SLC9A2: variants seen among roughly 807,000 people sequenced by gnomAD.
SLC9A2 encodes solute carrier family 9 member A2.
In SLC9A2, 42 loss-of-function variants were observed where a neutral mutation model predicts 71.7. The observed-to-expected ratio is 0.59, with a 90% CI of 0.46 to 0.76. SLC9A2 has a LOEUF of 0.76. SLC9A2 is among the 30% of genes least tolerant of loss of function. The pLI, the probability that SLC9A2 is intolerant of heterozygous loss-of-function variation, is 0.00. For synonymous variants in SLC9A2, 396 were observed against 392.5 expected (o/e 1.01, Z -0.10); for missense variants, 829 against 1,017.4 (o/e 0.81, Z 2.52).
rs1366280389 is a variant in SLC9A2, at chr2:102,632,010, A to G, written c.289+11873A>G. On this transcript the variant is annotated intron_variant, in intron 1 of 11. Transcript: ENST00000233969. Reference sequence around the variant, plus strand: ...TGAAAGTGGGGATATATATATATATATATATATATATATATATATATATAT... The same window carrying G: ...TGAAAGTGGGGATATATATATATATGTATATATATATATATATATATATAT... Among the ~76,000 whole-genome samples the G allele has an allele frequency of 1.8e-4, 7 of 38,358 alleles. No homozygotes were observed. The South Asian group carries it at 9.5e-3, about 52-fold the overall frequency. 25.2% of individuals were successfully genotyped at this position (38,358 alleles called of 152,430 possible). A position where few individuals can be genotyped will look rare whatever the true frequency, so the allele number is the denominator to read the frequency against.
intron 3 of SLC9A2, among the ~76,000 whole-genome samples, chr2:102,675,340 C>T (rs1677328864): frequency 6.6e-6 from 1 of 152,146 alleles, no homozygotes; most frequent in Non-Finnish European, 1.5e-5. Context: ...CTTGCCAGAC[C>T]TGTTGTGTGC....
chr2:102,657,580 C>T lies in SLC9A2; in HGVS notation c.306C>T (p.His102=). 1 of 1,605,920 alleles carries T rather than the reference C, an allele frequency of 6.2e-7. No homozygotes were observed. The highest frequency in any genetic ancestry group is 8.5e-7 in the Non-Finnish European group (1 of 1,175,370). ...CCTTACCAGGCTTCCATCTGTATCA[C>T]AAGTTGCCCACAATAGTGCCTGAGA... The part of the protein sequence containing the change: ...SLAKIGFHLY[H]KLPTIVPESC... Residue 102 remains histidine, a synonymous_variant, in exon 2 of 12, where the codon CAC becomes CAT. Coordinates refer to ENST00000233969, the MANE Select transcript of SLC9A2 (RefSeq NM_003048.6).
intron 1 of SLC9A2, among the ~76,000 whole-genome samples, chr2:102,620,580 C>T (rs1000883814): frequency 1.3e-5 from 2 of 152,108 alleles, no homozygotes; most frequent in African/African-American, 4.8e-5. Flanking sequence ...CCCTGCTGTG[C>T]GCCTGACTAA....
chr2:102,693,043 T>C (rs1434021638), intron 5 of SLC9A2, among the ~76,000 whole-genome samples: 2 of 151,316 alleles, frequency 1.3e-5, no homozygotes, highest in African/African-American at 4.9e-5. Context: ...GATACTAGTA[T>C]ATACTAGTAT....
At chr2:102,648,684 T>C (rs1229675135) in intron 1 of SLC9A2, among the ~76,000 whole-genome samples, 2 of 152,152 alleles carry the variant, frequency 1.3e-5, no homozygotes, top group Admixed American at 6.6e-5. Context: ...AATATTCCTA[T>C]ACACCAATAA....
chr2:102,684,377 C>A (rs551262624), intron 5 of SLC9A2, 41 bp downstream of exon 5: 1 of 1,553,006 alleles, frequency 6.4e-7, no homozygotes, highest in East Asian at 2.2e-5. Flanking sequence ...TAAAAAATAT[C>A]GTTCAGAATA....
Position 102,657,766 on chromosome 2 carries a change from G to C in SLC9A2, c.492G>C (p.Glu164Asp). 1 of 1,614,200 alleles carries C rather than the reference G, an allele frequency of 6.2e-7. No homozygotes were observed. Among genetic ancestry groups the C allele is most frequent in the African/African-American group, 1.3e-5 (1 of 75,046 alleles). Residue 164 changes from glutamate to aspartate, a missense_variant, in exon 2 of 12, where the codon GAG becomes GAC. This residue lies in a region of SLC9A2 where 500 missense variants were observed against 726.3 expected (regional missense o/e 0.69). Coordinates refer to ENST00000233969, the MANE Select transcript of SLC9A2 (RefSeq NM_003048.6). ...GYFMPTRPFF[E>D]NIGTIFWYAV... ...TCATGCCCACTCGCCCATTCTTTGAGAACATTGGCACGATTTTCTGGTATG... is the reference window on the plus strand; with the variant it reads ...TCATGCCCACTCGCCCATTCTTTGACAACATTGGCACGATTTTCTGGTATG...
intron 1 of SLC9A2, among the ~76,000 whole-genome samples, chr2:102,643,637 G>A (rs1558705198): frequency 1.3e-5 from 2 of 152,188 alleles, no homozygotes; most frequent in East Asian, 3.8e-4. Flanking sequence ...ATCTTTCAGA[G>A]TTATATTTGC....
chr2:102,655,635 C>G (rs1199073121), intron 1 of SLC9A2, among the ~76,000 whole-genome samples: 1 of 152,206 alleles, frequency 6.6e-6, no homozygotes, highest in African/African-American at 2.4e-5. Flanking sequence ...GAACCACCAT[C>G]ATATATGTGG....
At chr2:102,637,894 G>A (rs1294190741) in intron 1 of SLC9A2, among the ~76,000 whole-genome samples, 1 of 152,238 alleles carries the variant, frequency 6.6e-6, no homozygotes, top group Non-Finnish European at 1.5e-5. Context: ...TGTGGGCCCT[G>A]TTGGTGCCTC....
At chr2:102,676,157 T>C (rs2104534103) in intron 3 of SLC9A2, among the ~76,000 whole-genome samples, 1 of 152,328 alleles carries the variant, frequency 6.6e-6, no homozygotes, top group Admixed American at 6.5e-5. Context: ...GGTGCAGGAT[T>C]GTTGCATGCA....
chr2:102,695,929 A>G (rs531863387), intron 7 of SLC9A2, among the ~76,000 whole-genome samples: 1 of 151,062 alleles, frequency 6.6e-6, no homozygotes, highest in African/African-American at 2.4e-5. Context: ...TTGGATAAAT[A>G]CAATTCAATA....
chr2:102,621,194 G>C (rs1176944808), intron 1 of SLC9A2, among the ~76,000 whole-genome samples: 1 of 151,726 alleles, frequency 6.6e-6, no homozygotes, highest in Admixed American at 6.6e-5. Flanking sequence ...TAGGTAGCCT[G>C]GTGTTGTGGT....
intron 3 of SLC9A2, among the ~76,000 whole-genome samples, chr2:102,670,267 C>G (rs564551641): frequency 6.6e-6 from 1 of 151,676 alleles, no homozygotes; most frequent in Admixed American, 6.6e-5. Context: ...CCGCCCACCT[C>G]GGCCTCCCAA....
intron 2 of SLC9A2, among the ~76,000 whole-genome samples, chr2:102,664,838 A>G (rs185296721): frequency 1.4e-4 from 21 of 152,364 alleles, no homozygotes; most frequent in Non-Finnish European, 2.6e-4. Flanking sequence ...GGAATAAGTT[A>G]TGCAATAACT....
At chr2:102,668,157 T>C (rs10490201) in intron 3 of SLC9A2, among the ~76,000 whole-genome samples, 29,869 of 152,118 alleles carry the variant, frequency 0.2, 3,322 homozygotes, top group East Asian at 0.34. Flanking sequence ...AAATAAGATA[T>C]TACCAGTGAT....
At chr2:102,664,543 A>T (rs1294920210) in intron 2 of SLC9A2, among the ~76,000 whole-genome samples, 1 of 151,784 alleles carries the variant, frequency 6.6e-6, no homozygotes, top group African/African-American at 2.4e-5. Flanking sequence ...GTTACACCAG[A>T]CATGTATGTG....
At chr2:102,678,175 TCC>T in intron 3 of SLC9A2, among the ~76,000 whole-genome samples, 1 of 152,196 alleles carries the variant, frequency 6.6e-6, no homozygotes, top group Non-Finnish European at 1.5e-5. Context: ...GTCTGTTTCT[TCC>T]CTTAGAAGAA....
intron 1 of SLC9A2, among the ~76,000 whole-genome samples, chr2:102,648,910 A>G (rs1676781137): frequency 6.6e-6 from 1 of 152,250 alleles, no homozygotes; most frequent in Non-Finnish European, 1.5e-5. Context: ...TATACTGCCC[A>G]AAGTAATTTA....
Sources: allele counts gnomAD v4.1 joint callset (sites outside exome capture counted in the v4.1 genomes callset), GRCh38; gene constraint gnomAD v4.1.1; regional missense constraint gnomAD v4.1.1; transcripts MANE v1.5; gene names NCBI Gene and HGNC (gene_info 2026-07-23, HGNC 2026-07-21).